Variants in AGBL4 observed in about 807,000 individuals in gnomAD.
The protein encoded by AGBL4 is cytosolic carboxypeptidase 6.
Under a neutral mutation model 66.4 loss-of-function variants are expected in AGBL4, and 58 were observed. The observed-to-expected ratio is 0.87, with a 90% confidence interval of 0.71 to 1.09. The LOEUF is 1.09. AGBL4 is among the 50% of genes least tolerant of loss of function. AGBL4 has a pLI of 0.00. For missense variants in AGBL4, 579 were observed against 631.0 expected (o/e 0.92, Z 0.88); for synonymous variants, 234 against 222.9 (o/e 1.05, Z -0.44).
intron 6 of AGBL4, among the ~76,000 whole-genome samples, chr1:48,827,125 G>T (rs1191688651): frequency 6.6e-6 from 1 of 152,136 alleles, no homozygotes; most frequent in Non-Finnish European, 1.5e-5. Context: ...TACCATTTTT[G>T]TATTGCCTCA....
At chr1:49,240,781 C>A (rs546972707) in intron 4 of AGBL4, among the ~76,000 whole-genome samples, 1 of 151,970 alleles carries the variant, frequency 6.6e-6, no homozygotes, top group Admixed American at 6.6e-5. Context: ...GAGTCTCTTA[C>A]CAATATACCA....
At chr1:49,288,364 TAA>T (rs759631339) in intron 3 of AGBL4, among the ~76,000 whole-genome samples, 1 of 132,668 alleles carries the variant, frequency 7.5e-6, no homozygotes, top group Admixed American at 7.6e-5. Flanking sequence ...TAAAGTATAA[TAA>T]AAAAAAAAAA....
chr1:49,602,008 A>G (rs1644969662), intron 3 of AGBL4, among the ~76,000 whole-genome samples: 1 of 152,224 alleles, frequency 6.6e-6, no homozygotes, highest in Non-Finnish European at 1.5e-5. Flanking sequence ...ATTTACAAGA[A>G]AAAAACAACC....
intron 4 of AGBL4, among the ~76,000 whole-genome samples, chr1:49,106,403 G>A (rs933433611): frequency 2.0e-5 from 3 of 152,142 alleles, no homozygotes; most frequent in Non-Finnish European, 4.4e-5. Flanking sequence ...TTGAATTTCA[G>A]TGAAGGGTGT....
chr1:49,952,587 A>G (rs1050770929), intron 1 of AGBL4, among the ~76,000 whole-genome samples: 3 of 151,918 alleles, frequency 2.0e-5, no homozygotes, highest in Non-Finnish European at 4.4e-5. Context: ...CAATATCCAA[A>G]TTCAGCACCT....
intron 1 of AGBL4, among the ~76,000 whole-genome samples, chr1:49,971,906 G>GGTTGTTTTTTTTTTTTTT (rs1457900823): frequency 4.6e-5 from 2 of 43,442 alleles, no homozygotes; most frequent in African/African-American, 7.3e-5. Flanking sequence ...GGTTTTTTTG[G>GGTTGTTTTTTTTTTTTTT]GTTTTTTTTT....
chr1:48,580,520 A>G (rs181918970), intron 11 of AGBL4, among the ~76,000 whole-genome samples: 2 of 152,292 alleles, frequency 1.3e-5, no homozygotes, highest in Admixed American at 1.3e-4. Context: ...GTTTTTACTT[A>G]GAAGAGGTTT....
intron 3 of AGBL4, among the ~76,000 whole-genome samples, chr1:49,640,216 T>C (rs1179209843): frequency 6.6e-6 from 1 of 152,156 alleles, no homozygotes; most frequent in Non-Finnish European, 1.5e-5. Flanking sequence ...ACAACTTACT[T>C]TGAGATAGCT....
At chr1:49,735,305 GTGTGT>G (rs1649787942) in intron 2 of AGBL4, among the ~76,000 whole-genome samples, 1 of 149,804 alleles carries the variant, frequency 6.7e-6, no homozygotes, top group Admixed American at 6.7e-5. Flanking sequence ...GGGTGTGTGT[GTGTGT>G]GTGTGTGTGT....
At chr1:48,782,636 T>C (rs1035775412) in intron 6 of AGBL4, among the ~76,000 whole-genome samples, 3 of 152,196 alleles carry the variant, frequency 2.0e-5, no homozygotes, top group Non-Finnish European at 4.4e-5. Context: ...TTTAGGTTCA[T>C]AGTAAAATTA....
Position 49,467,643 on chromosome 1 carries a change from T to C in AGBL4, c.283-221779A>G, listed in dbSNP as rs546976344. 4.6e-5 allele frequency among the ~76,000 whole-genome samples: 7 copies of C among 152,022 alleles called. No homozygotes were observed. The South Asian group carries it at 1.5e-3, about 32-fold the overall frequency. The stretch of plus-strand genomic sequence containing the variant: ...AAAAGTCTGTGTAAGTACATTACAT[T>C]TTTAGTTTGCATGACCTTAAGCCAT... On this transcript the variant is annotated intron_variant, in intron 3 of 13. Transcript: ENST00000371839.
At chr1:49,675,601 T>C (rs555166476) in intron 3 of AGBL4, among the ~76,000 whole-genome samples, 1 of 152,140 alleles carries the variant, frequency 6.6e-6, no homozygotes, top group South Asian at 2.1e-4. Context: ...CAGAAAACAG[T>C]AATAAATCAG....
At chr1:49,054,807 A>T (rs969541116) in intron 4 of AGBL4, among the ~76,000 whole-genome samples, 3 of 151,846 alleles carry the variant, frequency 2.0e-5, no homozygotes, top group Admixed American at 1.3e-4. Flanking sequence ...AAGGCTCAAA[A>T]TTTTTTTTAA....
chr1:49,429,041 C>G (rs896969830), intron 3 of AGBL4, among the ~76,000 whole-genome samples: 2 of 152,180 alleles, frequency 1.3e-5, no homozygotes, highest in Non-Finnish European at 2.9e-5. Flanking sequence ...AGTTAAATTA[C>G]AAATTATATG....
At position 49,573,991 on chromosome 1, in the gene AGBL4, G is replaced by A. The variant is rs535129767; in HGVS notation, c.282+123322C>T. On this transcript the variant is annotated intron_variant, in intron 3 of 13. Coordinates refer to ENST00000371839, the MANE Select transcript of AGBL4 (RefSeq NM_032785.4). ...TGAGGAGATAAACCCTGTGCTGCCT[G>A]AGGCAACAGTGATGGCCTCCCCTGA... Among the ~76,000 whole-genome samples the A allele has an allele frequency of 3.3e-5, 5 of 152,244 alleles. No homozygotes were observed. The South Asian group carries it at 1.0e-3, about 32-fold the overall frequency.
chr1:49,006,516 G>T (rs1318159986), intron 5 of AGBL4, among the ~76,000 whole-genome samples: 1 of 152,332 alleles, frequency 6.6e-6, no homozygotes, highest in East Asian at 1.9e-4. Flanking sequence ...GAACTGGGTG[G>T]AGCCCACCAC....
At chr1:48,664,862 G>A (rs1394385603) in intron 6 of AGBL4, among the ~76,000 whole-genome samples, 2 of 152,198 alleles carry the variant, frequency 1.3e-5, no homozygotes, top group East Asian at 3.8e-4. Flanking sequence ...ACAATTACCT[G>A]AAGGAAATTT....
intron 1 of AGBL4, among the ~76,000 whole-genome samples, chr1:49,971,907 GTTTTTTTTTT>G (rs745772850): frequency 2.1e-4 from 5 of 23,428 alleles, no homozygotes; most frequent in Non-Finnish European, 7.9e-5. Context: ...GTTTTTTTGG[GTTTTTTTTTT>G]TTTTTTTTTT....
At chr1:48,911,536 C>T (rs377616704) in intron 5 of AGBL4, among the ~76,000 whole-genome samples, 6 of 150,074 alleles carry the variant, frequency 4.0e-5, no homozygotes, top group Non-Finnish European at 7.4e-5. Context: ...AGGAGAATGG[C>T]GTGAACCCGG....
Sources: gnomAD v4.1 joint callset for allele counts (sites outside exome capture counted in the v4.1 genomes callset) on GRCh38, gnomAD v4.1.1 for gene constraint, MANE v1.5 for transcripts, NCBI Gene and HGNC (gene_info 2026-07-23, HGNC 2026-07-21) for gene names.